The following PIK3CA variants were observed in gnomAD, a reference collection of about 807,000 sequenced individuals.
PIK3CA encodes the protein phosphatidylinositol 4,5-bisphosphate 3-kinase catalytic subunit alpha isoform.
A neutral mutation model predicts 138.2 loss-of-function variants in PIK3CA; 27 were observed. That is an observed-to-expected ratio of 0.20 (90% CI 0.14 to 0.27). The LOEUF is 0.27. Ranked by LOEUF, PIK3CA falls within the 10% of genes least tolerant of loss-of-function variation. The pLI is 1.00. For missense variants in PIK3CA, 544 were observed against 1,277.4 expected (o/e 0.43, Z 8.75); for synonymous variants, 358 against 413.2 (o/e 0.87, Z 1.62).
chr3:179,184,763 T>C (rs948976447), intron 1 of PIK3CA, among the ~76,000 whole-genome samples: 1 of 152,214 alleles, frequency 6.6e-6, no homozygotes, highest in Admixed American at 6.5e-5. Flanking sequence ...TTAAGGAAGA[T>C]AGAACAATTG....
intron 20 of PIK3CA, among the ~76,000 whole-genome samples, 153 bp from the exon 21 acceptor site, chr3:179,233,941 C>T (rs1336069943): frequency 2.6e-5 from 4 of 152,100 alleles, no homozygotes; most frequent in Non-Finnish European, 5.9e-5. Context: ...TAAAGGGAAT[C>T]AAAAGATGTT....
chr3:179,197,709 C>G (rs1576931364), intron 1 of PIK3CA, among the ~76,000 whole-genome samples: 2 of 152,158 alleles, frequency 1.3e-5, no homozygotes, highest in Non-Finnish European at 2.9e-5. Flanking sequence ...TGATTCATGT[C>G]TCTAGCTTAA....
intron 9 of PIK3CA, among the ~76,000 whole-genome samples, chr3:179,216,418 A>G (rs1226397858): frequency 6.6e-6 from 1 of 152,094 alleles, no homozygotes; most frequent in Non-Finnish European, 1.5e-5. Context: ...TTGAACCTCT[A>G]AATCTACGTT....
At chr3:179,207,948 G>A (rs73187276) in intron 6 of PIK3CA, among the ~76,000 whole-genome samples, 12,124 of 152,102 alleles carry the variant, frequency 0.08, 510 homozygotes, top group African/African-American at 0.1. Context: ...GCTAAGGGAG[G>A]CTGAGGCAAG....
intron 14 of PIK3CA, among the ~76,000 whole-genome samples, chr3:179,223,846 C>T (rs1266326044): frequency 6.6e-6 from 1 of 152,142 alleles, no homozygotes; most frequent in Non-Finnish European, 1.5e-5. Flanking sequence ...CCACTATCAC[C>T]AAGCAGATTT....
chr3:179,229,245 A>C, intron 17 of PIK3CA, 27 bp from the exon 18 acceptor site: 3 of 1,571,034 alleles, frequency 1.9e-6, no homozygotes, highest in Non-Finnish European at 2.6e-6. Flanking sequence ...CCATCATTTA[A>C]TTGTAAACGT....
chr3:179,204,542 T>C lies in PIK3CA; in HGVS notation c.1099T>C (p.Leu367=), dbSNP rs1183486580. ...AGGTATCTACCATGGAGGAGAACCCTTATGTGACAATGTGAACACTCAAAG... is the reference window on the plus strand; with the variant it reads ...AGGTATCTACCATGGAGGAGAACCCCTATGTGACAATGTGAACACTCAAAG... ...RTGIYHGGEP[L]CDNVNTQRVP... The change falls in exon 6 of 21, where the codon TTA becomes CTA. Residue 367 remains leucine, a synonymous_variant. Coordinates refer to ENST00000263967, the MANE Select transcript of PIK3CA (RefSeq NM_006218.4). 1 of 1,594,178 alleles carries C rather than the reference T, an allele frequency of 6.3e-7. No homozygotes were observed. Among genetic ancestry groups the C allele is most frequent in the Admixed American group, 1.7e-5 (1 of 59,992 alleles).
At chr3:179,221,986 G>A (rs1401571044) in intron 14 of PIK3CA, among the ~76,000 whole-genome samples, 1 of 151,916 alleles carries the variant, frequency 6.6e-6, no homozygotes, top group Non-Finnish European at 1.5e-5. Context: ...GGAATTACAG[G>A]CATGAGCCAC....
chr3:179,181,678 A>G (rs1723849577), intron 1 of PIK3CA, among the ~76,000 whole-genome samples: 1 of 152,186 alleles, frequency 6.6e-6, no homozygotes. Flanking sequence ...ATAATTAAAC[A>G]TATTTTCTCT....
intron 1 of PIK3CA, among the ~76,000 whole-genome samples, chr3:179,171,675 C>T (rs975857513): frequency 1.3e-5 from 2 of 151,860 alleles, no homozygotes; most frequent in African/African-American, 4.8e-5. Flanking sequence ...TACTAATTAC[C>T]AAAACTGACT....
rs1725319166 is a variant in PIK3CA, at chr3:179,235,630, C to T, written c.*1266C>T. The T allele has an allele frequency of 4.8e-6, 1 of 207,192 alleles. No individual in the cohort carries two copies. Among genetic ancestry groups the T allele is most frequent in the South Asian group, 1.9e-4 (1 of 5,314 alleles). 12.8% of individuals were successfully genotyped at this position (207,192 alleles called of 1,614,324 possible). On this transcript the variant is annotated 3_prime_UTR_variant, in exon 21 of 21. Transcript: ENST00000263967. ...GAATTAACACAATTTAGACTATCTT[C>T]CTGATTCCTTAAACCCCTTTACTGA...
intron 1 of PIK3CA, among the ~76,000 whole-genome samples, chr3:179,184,713 G>C (rs781309028): frequency 1.3e-5 from 2 of 152,118 alleles, no homozygotes; most frequent in African/African-American, 2.4e-5. Flanking sequence ...AGGCATTTTG[G>C]TGGGGATTTT....
chr3:179,179,883 A>G (rs1723797209), intron 1 of PIK3CA, among the ~76,000 whole-genome samples: 1 of 152,220 alleles, frequency 6.6e-6, no homozygotes, highest in Non-Finnish European at 1.5e-5. Context: ...GACTTTACAG[A>G]AGCTACTTGG....
chr3:179,216,671 T>C (rs1724843199), intron 9 of PIK3CA, among the ~76,000 whole-genome samples: 1 of 152,166 alleles, frequency 6.6e-6, no homozygotes, highest in African/African-American at 2.4e-5. Flanking sequence ...AGTTTCTAGT[T>C]TGACAATGAT....
intron 1 of PIK3CA, among the ~76,000 whole-genome samples, chr3:179,157,910 T>C (rs1015339641): frequency 7.9e-5 from 12 of 152,152 alleles, no homozygotes; most frequent in Non-Finnish European, 5.9e-5. Context: ...TGAGGGGTAA[T>C]AACTACCTAC....
In PIK3CA at chr3:179,218,594, T is replaced by A. The variant is rs1334510989; in HGVS notation, c.1664+260T>A. On this transcript the variant is annotated intron_variant, in intron 10 of 20. Coordinates refer to ENST00000263967, the MANE Select transcript of PIK3CA (RefSeq NM_006218.4). ...TTCCTGATATGACTTTCTTTAGGAT[T>A]GTTTAAAATATTCTAGTAGTTTTAG... is the stretch of plus-strand genomic sequence containing the variant. Among the ~76,000 whole-genome samples the A allele has an allele frequency of 2.0e-5, 3 of 152,182 alleles. No individual in the cohort carries two copies. In the South Asian group the frequency reaches 6.2e-4, roughly 31 times the overall value.
intron 1 of PIK3CA, among the ~76,000 whole-genome samples, chr3:179,166,031 A>T (rs1396316211): frequency 1.3e-5 from 2 of 151,996 alleles, no homozygotes; most frequent in Non-Finnish European, 2.9e-5. Context: ...CTAGACCATG[A>T]ACCTCTTGAA....
chr3:179,201,247 T>C (rs933769772), intron 3 of PIK3CA, 43 bp from the exon 4 acceptor site: 3 of 1,537,398 alleles, frequency 2.0e-6, no homozygotes, highest in African/African-American at 1.4e-5. Flanking sequence ...CCTTGAAAAA[T>C]GAAAGAGAGA....
chr3:179,163,990 A>G (rs1723351291), intron 1 of PIK3CA, among the ~76,000 whole-genome samples: 1 of 152,182 alleles, frequency 6.6e-6, no homozygotes, highest in South Asian at 2.1e-4. Flanking sequence ...AGCATTAGAT[A>G]TAATAATTTA....
Sources: gnomAD v4.1 joint callset for allele counts (sites outside exome capture counted in the v4.1 genomes callset) on GRCh38, gnomAD v4.1.1 for gene constraint, MANE v1.5 for transcripts, NCBI Gene and HGNC (gene_info 2026-07-23, HGNC 2026-07-21) for gene names.